PPP2R5C: variants seen among roughly 807,000 people sequenced by gnomAD.
The protein encoded by PPP2R5C is protein phosphatase 2 regulatory subunit B'gamma, also known as serine/threonine-protein phosphatase 2A 56 kDa regulatory subunit gamma isoform.
A neutral mutation model predicts 68.9 loss-of-function variants in PPP2R5C; 7 were observed. The ratio of observed to expected loss-of-function variants is 0.10; its 90% CI spans 0.06 to 0.19. The LOEUF (loss-of-function observed/expected upper bound fraction) is 0.19. PPP2R5C is among the 10% of genes least tolerant of loss of function. PPP2R5C has a pLI of 1.00. For missense variants in PPP2R5C, 348 were observed against 641.3 expected (o/e 0.54, Z 4.94); for synonymous variants, 210 against 222.2 (o/e 0.95, Z 0.49).
At chr14:101,870,107 G>A (rs1386281763) in intron 2 of PPP2R5C, among the ~76,000 whole-genome samples, 3 of 110,266 alleles carry the variant, frequency 2.7e-5, no homozygotes, top group African/African-American at 3.8e-5. Flanking sequence ...TCTGGGTACA[G>A]ATTTTTTGCG....
chr14:101,815,650 A>G (rs907817741), intron 1 of PPP2R5C, among the ~76,000 whole-genome samples: 2 of 152,190 alleles, frequency 1.3e-5, no homozygotes, highest in African/African-American at 2.4e-5. Flanking sequence ...TCTCTGAGTG[A>G]TCACTCAGGA....
At chr14:101,761,831 C>T, upstream of PPP2R5C, 2 of 979,402 alleles carry the variant, frequency 2.0e-6, no homozygotes, top group Non-Finnish European at 1.2e-6. Context: ...GGGGCGGGGG[C>T]GCTGCTGCTG....
intron 2 of PPP2R5C, among the ~76,000 whole-genome samples, chr14:101,772,481 A>C (rs758635107): frequency 6.6e-6 from 1 of 152,122 alleles, no homozygotes; most frequent in African/African-American, 2.4e-5. Flanking sequence ...CAAAACACAA[A>C]ATTTATTTTG....
intron 8 of PPP2R5C, among the ~76,000 whole-genome samples, chr14:101,897,324 A>G (rs553855496): frequency 6.4e-4 from 97 of 151,772 alleles, no homozygotes; most frequent in African/African-American, 2.2e-3. Flanking sequence ...TTTAAACTGT[A>G]TTTTCTCCAG....
chr14:101,789,087 G>A (rs967373644), intron 3 of PPP2R5C, among the ~76,000 whole-genome samples: 10 of 152,018 alleles, frequency 6.6e-5, no homozygotes, highest in African/African-American at 2.2e-4. Context: ...CCACATTTTC[G>A]TATTAGTCTT....
intron 1 of PPP2R5C, 90 bp from the exon 4 acceptor site, chr14:101,856,596 A>C: frequency 8.2e-7 from 1 of 1,224,252 alleles, no homozygotes. Flanking sequence ...CTCTATTCAA[A>C]ATAAAAATAG....
intron 12 of PPP2R5C, among the ~76,000 whole-genome samples, chr14:101,912,785 A>G (rs185731004): frequency 4.0e-4 from 61 of 152,344 alleles, no homozygotes; most frequent in Admixed American, 7.8e-4. Flanking sequence ...CTCAGATATC[A>G]TAGATGCTGT....
intron 3 of PPP2R5C, among the ~76,000 whole-genome samples, chr14:101,803,803 A>AT (rs893413648): frequency 2.0e-5 from 3 of 152,166 alleles, no homozygotes; most frequent in African/African-American, 4.8e-5. Context: ...TCTGCAGGAC[A>AT]TTGGTCTTGG....
intron 2 of PPP2R5C, among the ~76,000 whole-genome samples, chr14:101,863,899 C>CA (rs896359328): frequency 4.0e-5 from 6 of 151,096 alleles, no homozygotes; most frequent in South Asian, 2.1e-4. Context: ...GACTCTGTCT[C>CA]AAAAAAAAAG....
chr14:101,917,646 C>G lies in PPP2R5C; in HGVS notation c.1327-185C>G. ...GCTGCTTTACTGTCTCCACTGAGTG[C>G]TTTCTGGTTTCAGAAGTCAGCAGCC... On this transcript the variant is annotated intron_variant, in intron 12 of 13. Coordinates refer to ENST00000334743, the Ensembl canonical transcript of PPP2R5C. The surrounding 1 kb of genome is among the most constrained non-coding windows in gnomAD (Gnocchi z 4.4). 1 of 673,758 alleles carries G rather than the reference C, an allele frequency of 1.5e-6. No individual in the cohort carries two copies. Among genetic ancestry groups the G allele is most frequent in the African/African-American group, 1.8e-5 (1 of 55,458 alleles). 41.7% of individuals were successfully genotyped at this position (673,758 alleles called of 1,614,324 possible). A position where few individuals can be genotyped will look rare whatever the true frequency, so the allele number is the denominator to read the frequency against.
chr14:101,762,841 C>T, intron 1 of PPP2R5C, 64 bp from the exon 2 acceptor site: 6 of 1,347,668 alleles, frequency 4.5e-6, no homozygotes, highest in Admixed American at 2.0e-5. Flanking sequence ...CTGCATTTGG[C>T]TTATCTGATG....
intron 5 of PPP2R5C, among the ~76,000 whole-genome samples, chr14:101,885,116 C>G (rs2044409898): frequency 6.6e-6 from 1 of 152,212 alleles, no homozygotes; most frequent in Admixed American, 6.5e-5. Context: ...ATGAGCAGGT[C>G]CCACACAGCC....
At chr14:101,911,612 G>A (rs1205554951) in intron 11 of PPP2R5C, among the ~76,000 whole-genome samples, 1 of 152,180 alleles carries the variant, frequency 6.6e-6, no homozygotes, top group Non-Finnish European at 1.5e-5. Flanking sequence ...GCCGGGCGCA[G>A]TGGCTCACAC....
chr14:101,800,332 C>A (rs945132641), intron 3 of PPP2R5C, among the ~76,000 whole-genome samples: 9 of 152,170 alleles, frequency 5.9e-5, no homozygotes, highest in African/African-American at 1.9e-4. Context: ...GAGGCCGAGG[C>A]AGGCGGATCA....
At chr14:101,765,334 A>G (rs1231883156) in intron 2 of PPP2R5C, 5 of 687,466 alleles carry the variant, frequency 7.3e-6, no homozygotes, top group Non-Finnish European at 1.1e-5. Context: ...ACTTCTGTTC[A>G]TTTGACCTTT....
chr14:101,846,604 G>A (rs562712674), intron 1 of PPP2R5C, among the ~76,000 whole-genome samples: 2 of 152,282 alleles, frequency 1.3e-5, no homozygotes, highest in East Asian at 3.9e-4. Flanking sequence ...GTATTTCATT[G>A]TTATGTTTAT....
chr14:101,813,793 G>C (rs1032377743), intron 1 of PPP2R5C, among the ~76,000 whole-genome samples: 13 of 152,336 alleles, frequency 8.5e-5, no homozygotes, highest in African/African-American at 2.4e-4. Flanking sequence ...AGTAGCTCCA[G>C]CCTGGTGGGA....
intron 1 of PPP2R5C, among the ~76,000 whole-genome samples, chr14:101,855,477 A>G (rs916293674): frequency 6.6e-6 from 1 of 152,228 alleles, no homozygotes; most frequent in African/African-American, 2.4e-5. Flanking sequence ...GTAAGGTGGA[A>G]TCTGAAACTA....
At chr14:101,794,306 T>C (rs2038507896) in intron 3 of PPP2R5C, among the ~76,000 whole-genome samples, 1 of 152,204 alleles carries the variant, frequency 6.6e-6, no homozygotes, top group African/African-American at 2.4e-5. Context: ...TATATTCTCT[T>C]AAACAGTTCC....
Sources: gnomAD v4.1 joint callset for allele counts (sites outside exome capture counted in the v4.1 genomes callset) on GRCh38, gnomAD v4.1.1 for gene constraint, Gnocchi (gnomAD v3.1) non-coding constraint, MANE v1.5 for transcripts, NCBI Gene and HGNC (gene_info 2026-07-23, HGNC 2026-07-21) for gene names.